IFT88: variants seen among roughly 807,000 people sequenced by gnomAD.
The protein encoded by IFT88 is intraflagellar transport protein 88 homolog.
In IFT88, 74 loss-of-function variants were observed where a neutral mutation model predicts 119.5. That is an observed-to-expected ratio of 0.62 (90% CI 0.51 to 0.75). The LOEUF (loss-of-function observed/expected upper bound fraction) is 0.75. Ranked by LOEUF, IFT88 falls within the 30% of genes least tolerant of loss-of-function variation. The pLI is 0.00. For missense variants in IFT88, 961 were observed against 977.7 expected (o/e 0.98, Z 0.23); for synonymous variants, 279 against 316.7 (o/e 0.88, Z 1.26).
chr13:20,690,948 A>G (rs942870521), intron 25 of IFT88, 106 bp from the exon 26 acceptor site: 11 of 1,444,354 alleles, frequency 7.6e-6, no homozygotes, highest in Non-Finnish European at 1.1e-5. Flanking sequence ...TTGGGAGACC[A>G]TTTCTGTTCA....
rs865903186 is a variant in IFT88 at position 20,593,020 on chromosome 13, A to C, written c.398+616A>C. ...GCCAGTATTGAGTCTCCTGACAGCC[A>C]AATGGGGTTGTAAATGTTGTAAGAT... On this transcript the variant is annotated intron_variant, in intron 7 of 25. Coordinates refer to ENST00000351808, the MANE Select transcript of IFT88 (RefSeq NM_006531.5). Among the ~76,000 whole-genome samples, 12 of 152,324 alleles carry C rather than the reference A, an allele frequency of 7.9e-5. No homozygotes were observed. In the Middle Eastern group the frequency reaches 0.01, roughly 130 times the overall value.
chr13:20,689,122 C>T (rs1037185601), intron 24 of IFT88, among the ~76,000 whole-genome samples: 3 of 152,004 alleles, frequency 2.0e-5, no homozygotes, highest in Admixed American at 6.6e-5. Context: ...TTAGTAGAGA[C>T]GGGGTTTCAC....
rs570251733 is a variant in IFT88, at chr13:20,603,489, G to T, written c.1042-1546G>T. 3.0e-4 allele frequency among the ~76,000 whole-genome samples: 45 copies of T among 152,120 alleles called. No homozygotes were observed. In the South Asian group the frequency reaches 8.9e-3, roughly 30 times the overall value. ...CCTACTCAGCTCTTACTCTCCCTGT[G>T]TCTCAGTTCTTTTATATATGTAATG... On this transcript the variant is annotated intron_variant, in intron 12 of 25. Transcript: ENST00000351808.
intron 22 of IFT88, among the ~76,000 whole-genome samples, chr13:20,657,667 C>T (rs1001806046): frequency 1.2e-4 from 19 of 152,226 alleles, no homozygotes; most frequent in Admixed American, 4.6e-4. Context: ...GTGGCTCACG[C>T]CTGTAATCCC....
chr13:20,601,462 A>G lies in IFT88; in HGVS notation c.813-243A>G, dbSNP rs543869749. On this transcript the variant is annotated intron_variant, in intron 11 of 25. Coordinates refer to ENST00000351808, the MANE Select transcript of IFT88 (RefSeq NM_006531.5). ...AGGTTTTATTTTTAGGGTAATGGAA[A>G]TGAATTAAAATAAGGATGTGGTTAT... 1.5e-3 allele frequency among the ~76,000 whole-genome samples: 233 copies of G among 152,308 alleles called. 1 individual carries two copies. The highest frequency in any genetic ancestry group is 5.4e-3 in the African/African-American group (226 of 41,582).
At chr13:20,584,337 C>T (rs1046406585) in intron 3 of IFT88, among the ~76,000 whole-genome samples, 1 of 151,778 alleles carries the variant, frequency 6.6e-6, no homozygotes, top group Non-Finnish European at 1.5e-5. Flanking sequence ...TTCAGTGTAT[C>T]TAGTAAGTGA....
chr13:20,599,318 G>A (rs2042239665), intron 10 of IFT88, 133 bp from the exon 11 acceptor site: 1 of 505,312 alleles, frequency 2.0e-6, no homozygotes, highest in South Asian at 3.3e-5. Flanking sequence ...CTGTTTTAAA[G>A]TTAGAATTTT....
intron 14 of IFT88, among the ~76,000 whole-genome samples, chr13:20,621,526 T>TAAAAAAAA (rs200491393): frequency 2.0e-4 from 26 of 130,772 alleles, no homozygotes; most frequent in Non-Finnish European, 2.7e-4. Flanking sequence ...CCTGCTGAGA[T>TAAAAAAAA]AAAAAAAAAA....
At chr13:20,578,298 C>T (rs1014073314) in intron 2 of IFT88, among the ~76,000 whole-genome samples, 9 of 150,300 alleles carry the variant, frequency 6.0e-5, no homozygotes, top group Non-Finnish European at 1.2e-4. Flanking sequence ...CAGCCCGCCT[C>T]GGCCTCCCAA....
At chr13:20,676,597 G>A (rs965565675) in intron 24 of IFT88, among the ~76,000 whole-genome samples, 4 of 152,172 alleles carry the variant, frequency 2.6e-5, no homozygotes, top group African/African-American at 7.2e-5. Context: ...GTGTAACCAA[G>A]TGTACCCCTG....
chr13:20,615,257 A>C (rs926744894), intron 13 of IFT88, among the ~76,000 whole-genome samples: 1 of 152,238 alleles, frequency 6.6e-6, no homozygotes, highest in African/African-American at 2.4e-5. Context: ...ACCCACCACT[A>C]TAAATTGGTA....
intron 14 of IFT88, among the ~76,000 whole-genome samples, chr13:20,623,152 A>C (rs2314234): frequency 1.4e-4 from 22 of 151,958 alleles, no homozygotes; most frequent in African/African-American, 5.3e-4. Context: ...CGGGCTCACT[A>C]CTCTATGCTA....
At chr13:20,637,262 G>A (rs1459223493) in intron 16 of IFT88, among the ~76,000 whole-genome samples, 7 of 152,086 alleles carry the variant, frequency 4.6e-5, no homozygotes, top group African/African-American at 1.7e-4. Flanking sequence ...ATTTTAAAGG[G>A]GTCAGGTTTA....
chr13:20,681,537 G>T (rs2057319346), intron 24 of IFT88, among the ~76,000 whole-genome samples: 1 of 152,232 alleles, frequency 6.6e-6, no homozygotes, highest in Non-Finnish European at 1.5e-5. Flanking sequence ...GTTAAATTGT[G>T]AAAGTGTCTA....
At position 20,690,765 on chromosome 13, in the gene IFT88, C is replaced by T; in HGVS notation, c.2303C>T (p.Ala768Val). ...GAACGACTAAGTGCCAGACTCAGAG[C>T]TTTACCTGGGACAAATGAACCTTAT... ...KGERLSARLRALPGTNEPYES... is the reference protein window; with the variant it reads ...KGERLSARLRVLPGTNEPYES... Residue 768 changes from alanine to valine, a missense_variant, in exon 25 of 26, where the codon GCT becomes GTT. Coordinates refer to ENST00000351808, the MANE Select transcript of IFT88 (RefSeq NM_006531.5). 6.2e-7 allele frequency: 1 copy of T among 1,613,902 alleles called. No homozygotes were observed. Among genetic ancestry groups the T allele is most frequent in the Non-Finnish European group, 8.5e-7 (1 of 1,179,790 alleles).
rs547341704 is a variant in IFT88 at position 20,632,315 on chromosome 13, A to G, written c.1386+1213A>G. ...CGAGATTTAATTCTGTCCTGCATGT[A>G]GAAGAAGCCTATAAGAGCTTTCCTT... On this transcript the variant is annotated intron_variant, in intron 16 of 25. Coordinates refer to ENST00000351808, the MANE Select transcript of IFT88 (RefSeq NM_006531.5). 2.0e-5 allele frequency among the ~76,000 whole-genome samples: 3 copies of G among 152,272 alleles called. No homozygotes were observed. In the East Asian group the frequency reaches 5.8e-4, roughly 29 times the overall value.
chr13:20,607,521 G>A (rs1349710774), intron 13 of IFT88: 4 of 689,694 alleles, frequency 5.8e-6, no homozygotes, highest in South Asian at 1.5e-5. Flanking sequence ...TGGGGAGGCC[G>A]CCACGCTGTG....
intron 3 of IFT88, among the ~76,000 whole-genome samples, chr13:20,585,061 G>A (rs9552248): frequency 0.26 from 39,999 of 152,084 alleles, 6,452 homozygotes; most frequent in East Asian, 0.7. Context: ...ATGTTCTCCC[G>A]TCCTCCCTGT....
chr13:20,687,964 G>A (rs2058115643), intron 24 of IFT88, among the ~76,000 whole-genome samples: 1 of 152,226 alleles, frequency 6.6e-6, no homozygotes, highest in African/African-American at 2.4e-5. Flanking sequence ...AAAGGCCAGA[G>A]CAGAGGTCGG....
Sources: gnomAD v4.1 joint callset for allele counts (sites outside exome capture counted in the v4.1 genomes callset) on GRCh38, gnomAD v4.1.1 for gene constraint, MANE v1.5 for transcripts, NCBI Gene and HGNC (gene_info 2026-07-23, HGNC 2026-07-21) for gene names.